Variants in DOCK10 observed in about 807,000 individuals in gnomAD.
DOCK10 encodes dedicator of cytokinesis 10.
Under a neutral mutation model 280.1 loss-of-function variants are expected in DOCK10, and 145 were observed. That is an observed-to-expected ratio of 0.52 (90% CI 0.45 to 0.59). The LOEUF (loss-of-function observed/expected upper bound fraction) is 0.59. Ranked by LOEUF, DOCK10 falls within the 20% of genes least tolerant of loss-of-function variation. DOCK10 has a pLI of 0.00. For missense variants in DOCK10, 2,368 were observed against 2,651.7 expected, an observed-to-expected ratio of 0.89 and a Z score of 2.35; for synonymous variants, 915 against 942.2, an observed-to-expected ratio of 0.97 and a Z score of 0.53.
At chr2:224,950,691 G>A (rs1250878760) in intron 1 of DOCK10, among the ~76,000 whole-genome samples, 1 of 152,186 alleles carries the variant, frequency 6.6e-6, no homozygotes, top group Non-Finnish European at 1.5e-5. Flanking sequence ...TTGTCAAAAG[G>A]GAAAGTCCAG....
intron 50 of DOCK10, chr2:224,784,831 T>C: frequency 1.7e-6 from 2 of 1,168,978 alleles, no homozygotes; most frequent in Non-Finnish European, 2.3e-6. Context: ...CTACCTGCTT[T>C]AGAGCCCATA....
rs183895163 is a variant in DOCK10 at position 224,790,522 on chromosome 2, G to C, written c.5312-1352C>G. On this transcript the variant is annotated intron_variant, in intron 47 of 55. Coordinates refer to ENST00000258390, the MANE Select transcript of DOCK10 (RefSeq NM_014689.3). ...GGCATGTTTTTGTTTTTAATAATCA[G>C]CTCATTGGTTATGTAACTAAATGAT... Among the ~76,000 whole-genome samples the C allele has an allele frequency of 7.5e-4, 114 of 152,104 alleles. 1 individual carries two copies. Among genetic ancestry groups the C allele is most frequent in the African/African-American group, 2.7e-3 (112 of 41,494 alleles).
chr2:224,919,366 T>C (rs928437002), intron 2 of DOCK10, among the ~76,000 whole-genome samples: 2 of 151,118 alleles, frequency 1.3e-5, no homozygotes, highest in Admixed American at 1.3e-4. Context: ...TGTGTGTCTG[T>C]ATAGGTGGTG....
intron 1 of DOCK10, among the ~76,000 whole-genome samples, chr2:224,957,840 G>A (rs1422351531): frequency 6.6e-5 from 10 of 152,140 alleles, no homozygotes; most frequent in African/African-American, 2.4e-4. Context: ...TCACTTGCCT[G>A]GAAAAGCTAC....
intron 31 of DOCK10, among the ~76,000 whole-genome samples, chr2:224,812,652 A>G (rs933298231): frequency 6.6e-6 from 1 of 152,112 alleles, no homozygotes; most frequent in African/African-American, 2.4e-5. Flanking sequence ...TTATTTTGAG[A>G]TACGTCCCAT....
rs747271237 is a variant in DOCK10 at position 224,770,286 on chromosome 2, C to T, written c.6369G>A (p.Gln2123=). ...ACCTCAGTTCTTCCTGGTACTCCAG[C>T]TGGTCCTCTTTGATGAGGCGCTCAT... ...DVNERLIKED[Q]LEYQEELRSH... is the part of the protein sequence containing the mutation. Residue 2123 remains glutamine (Q), a synonymous_variant, in exon 55 of 56, where the codon CAG becomes CAA. Coordinates refer to ENST00000258390, the MANE Select transcript of DOCK10 (RefSeq NM_014689.3). This position sits in a 1 kb window ranked among gnomAD's most constrained non-coding sequence, Gnocchi z 4.5. 16 of 1,606,758 alleles carry T rather than the reference C, an allele frequency of 1.0e-5. No individual in the cohort carries two copies. The Middle Eastern group carries it at 5.0e-4, about 50-fold the overall frequency.
chr2:224,995,601 A>C (rs925021043), intron 1 of DOCK10, among the ~76,000 whole-genome samples: 6 of 152,116 alleles, frequency 3.9e-5, no homozygotes, highest in Admixed American at 3.9e-4. Flanking sequence ...ACTTGCTTCC[A>C]CTCCCTCCTC....
At position 224,890,009 on chromosome 2, in the gene DOCK10, C is replaced by T. The variant is rs151144444; in HGVS notation, c.417-3478G>A. ...TGGTGGCACAGCAGTAAAGAAAGAA[C>T]GGAGGAAACATCCCAAGTGAATGAA... is the stretch of plus-strand genomic sequence containing the variant. On this transcript the variant is annotated intron_variant, in intron 4 of 55. Coordinates refer to ENST00000258390, the MANE Select transcript of DOCK10 (RefSeq NM_014689.3). 3.3e-4 allele frequency among the ~76,000 whole-genome samples: 50 copies of T among 152,136 alleles called. 1 individual carries two copies. Among genetic ancestry groups the T allele is most frequent in the East Asian group, 9.7e-4 (5 of 5,178 alleles).
intron 2 of DOCK10, among the ~76,000 whole-genome samples, chr2:224,926,089 T>G (rs759967007): frequency 6.6e-6 from 1 of 152,222 alleles, no homozygotes. Context: ...GTTTTTGCAA[T>G]GAATGGCTTA....
chr2:225,034,456 T>C (rs528850725), intron 1 of DOCK10, among the ~76,000 whole-genome samples: 12 of 152,336 alleles, frequency 7.9e-5, no homozygotes, highest in Admixed American at 6.5e-4. Context: ...AGGATTGCAT[T>C]TCCAATGCTT....
intron 7 of DOCK10, among the ~76,000 whole-genome samples, chr2:224,885,156 C>T (rs1699203801): frequency 6.6e-6 from 1 of 152,130 alleles, no homozygotes; most frequent in Non-Finnish European, 1.5e-5. Context: ...TGTGCCACCG[C>T]ATCTGGCTAA....
chr2:224,965,048 AG>A (rs1181272942), intron 1 of DOCK10, among the ~76,000 whole-genome samples: 2 of 152,378 alleles, frequency 1.3e-5, no homozygotes, highest in African/African-American at 4.8e-5. Context: ...GTAGAAGTCA[AG>A]AACTCTCATT....
intron 1 of DOCK10, among the ~76,000 whole-genome samples, chr2:224,960,844 A>G (rs1704332902): frequency 7.4e-6 from 1 of 135,234 alleles, no homozygotes; most frequent in African/African-American, 2.8e-5. Flanking sequence ...GGTTCACGCC[A>G]TTCTCCTGTC....
chr2:224,943,962 A>G lies in DOCK10; in HGVS notation c.124-12294T>C, dbSNP rs541429813. Among the ~76,000 whole-genome samples the G allele has an allele frequency of 3.0e-4, 46 of 152,068 alleles. 1 individual carries two copies. In the South Asian group the frequency reaches 9.3e-3, roughly 31 times the overall value. ...GTATTTTTAGTCGAGATGGGGTTTC[A>G]CCGTGTTAGTCAGGATGGTCTCCAT... On this transcript the variant is annotated intron_variant, in intron 1 of 55. Coordinates refer to ENST00000258390, the MANE Select transcript of DOCK10 (RefSeq NM_014689.3).
At chr2:224,910,793 A>C (rs1029741596) in intron 3 of DOCK10, among the ~76,000 whole-genome samples, 6 of 152,102 alleles carry the variant, frequency 3.9e-5, no homozygotes, top group African/African-American at 1.4e-4. Flanking sequence ...CATTATCATC[A>C]CGGGATATTT....
chr2:225,035,542 T>TTTTA (rs1553634838), intron 1 of DOCK10, among the ~76,000 whole-genome samples: 2 of 50,030 alleles, frequency 4.0e-5, no homozygotes, highest in African/African-American at 7.5e-5. Flanking sequence ...ATGATATATA[T>TTTTA]TATATATATA....
At chr2:224,845,992 G>A (rs937227543) in intron 19 of DOCK10, among the ~76,000 whole-genome samples, 3 of 152,200 alleles carry the variant, frequency 2.0e-5, no homozygotes, top group Admixed American at 1.3e-4. Flanking sequence ...CCAAAGTGCT[G>A]GGATTACAGG....
chr2:224,899,179 CTAAG>C (rs1365570632), intron 3 of DOCK10, among the ~76,000 whole-genome samples: 1 of 152,162 alleles, frequency 6.6e-6, no homozygotes, highest in Non-Finnish European at 1.5e-5. Context: ...GTAGTTCCCC[CTAAG>C]TATTTATTTG....
At chr2:224,974,802 ATATATATTATATATATAATATATATATAT>A (rs1485764868) in intron 1 of DOCK10, among the ~76,000 whole-genome samples, 2 of 131,240 alleles carry the variant, frequency 1.5e-5, no homozygotes, top group Non-Finnish European at 3.3e-5. Flanking sequence ...TATATATATC[ATATATATTATATATATAATATATATATAT>A]TATATATAAC....
Sources: allele counts gnomAD v4.1 joint callset (sites outside exome capture counted in the v4.1 genomes callset), GRCh38; gene constraint gnomAD v4.1.1; non-coding constraint Gnocchi (gnomAD v3.1); transcripts MANE v1.5; gene names NCBI Gene and HGNC (gene_info 2026-07-23, HGNC 2026-07-21).